The following ASTN2 variants were observed in gnomAD, a reference collection of about 807,000 sequenced individuals.
ASTN2 encodes astrotactin-2.
Under a neutral mutation model 139.8 loss-of-function variants are expected in ASTN2, and 54 were observed. The ratio of observed to expected loss-of-function variants is 0.39; its 90% confidence interval spans 0.31 to 0.48. The LOEUF (loss-of-function observed/expected upper bound fraction) is 0.48, where lower values mean the gene tolerates loss of function less well. Ranked by LOEUF, ASTN2 falls within the 20% of genes least tolerant of loss-of-function variation. The probability of loss-of-function intolerance (pLI) is 0.95; values close to 1 mark genes in which losing one functional copy is unlikely to be tolerated. For synonymous variants in ASTN2, 756 were observed against 719.5 expected, an observed-to-expected ratio of 1.05 and a Z score of -0.81; for missense variants, 1,565 against 1,725.1, an observed-to-expected ratio of 0.91 and a Z score of 1.64.
chr9:116,458,114 G>A (rs917163371), intron 20 of ASTN2, among the ~76,000 whole-genome samples: 1 of 151,640 alleles, frequency 6.6e-6, no homozygotes, highest in African/African-American at 2.4e-5. Context: ...GACAAACTTT[G>A]CATGTTCTCA....
At chr9:117,068,380 C>G (rs1828012875) in intron 5 of ASTN2, among the ~76,000 whole-genome samples, 1 of 59,714 alleles carries the variant, frequency 1.7e-5, no homozygotes, top group Non-Finnish European at 3.4e-5. Flanking sequence ...GGTGGATAAG[C>G]TTTTTGATGT....
chr9:116,586,647 G>T (rs1854154323), intron 19 of ASTN2, among the ~76,000 whole-genome samples: 1 of 152,086 alleles, frequency 6.6e-6, no homozygotes, highest in African/African-American at 2.4e-5. Context: ...TAGGAAGGGG[G>T]AGGGAGGGAG....
chr9:116,857,542 A>G (rs551799983), intron 11 of ASTN2, among the ~76,000 whole-genome samples: 117 of 152,318 alleles, frequency 7.7e-4, no homozygotes, highest in African/African-American at 2.5e-3. Flanking sequence ...TATACTATAT[A>G]GTGACAAAGC....
At chr9:117,163,473 G>A (rs141279654) in intron 3 of ASTN2, among the ~76,000 whole-genome samples, 70 of 152,172 alleles carry the variant, frequency 4.6e-4, no homozygotes, top group African/African-American at 1.5e-3. Context: ...TGCATCACAT[G>A]GGCCATTCCT....
At chr9:116,975,886 C>A (rs1012719016) in intron 9 of ASTN2, among the ~76,000 whole-genome samples, 1 of 152,174 alleles carries the variant, frequency 6.6e-6, no homozygotes, top group African/African-American at 2.4e-5. Context: ...GTAATGTCTC[C>A]TCCAGTTCAA....
intron 19 of ASTN2, among the ~76,000 whole-genome samples, chr9:116,487,895 T>C (rs1310418265): frequency 6.6e-6 from 1 of 152,144 alleles, no homozygotes; most frequent in Non-Finnish European, 1.5e-5. Context: ...TCTCTTAGAA[T>C]TGCATTTTCC....
intron 2 of ASTN2, among the ~76,000 whole-genome samples, chr9:117,253,693 C>T (rs750602429): frequency 9.2e-5 from 14 of 152,106 alleles, no homozygotes; most frequent in Admixed American, 2.0e-4. Context: ...CAGCAGTTGC[C>T]GGCAGTCGCT....
chr9:117,169,588 A>T (rs1377373861), intron 3 of ASTN2, among the ~76,000 whole-genome samples: 1 of 152,172 alleles, frequency 6.6e-6, no homozygotes, highest in Non-Finnish European at 1.5e-5. Context: ...TGACAGGATG[A>T]TGCGGCAGAA....
intron 13 of ASTN2, among the ~76,000 whole-genome samples, chr9:116,788,892 C>G (rs1830452993): frequency 6.6e-6 from 1 of 152,136 alleles, no homozygotes; most frequent in Non-Finnish European, 1.5e-5. Flanking sequence ...TTTTGTTCAG[C>G]CTGAATCCCC....
At chr9:116,805,895 C>G in intron 12 of ASTN2, 75 bp from the exon 13 acceptor site, 1 of 1,438,546 alleles carries the variant, frequency 7.0e-7, no homozygotes, top group Non-Finnish European at 9.5e-7. Flanking sequence ...AAAACCAAGG[C>G]CTCCTTTCCC....
At chr9:116,972,009 T>G (rs1340596468) in intron 10 of ASTN2, among the ~76,000 whole-genome samples, 1 of 152,102 alleles carries the variant, frequency 6.6e-6, no homozygotes, top group African/African-American at 2.4e-5. Flanking sequence ...ATAGAATACA[T>G]AGAGAAAAGT....
chr9:116,648,906 C>T lies in ASTN2; in HGVS notation c.3072+2622G>A, dbSNP rs10119611. On this transcript the variant is annotated intron_variant, in intron 17 of 22. Transcript: ENST00000313400. ...AAAATTAGCCAGGCATGGTGGTGGA[C>T]GCCTGTAATCCCAGCTACTCAGGAG... 8.3e-3 allele frequency among the ~76,000 whole-genome samples: 1,264 copies of T among 151,758 alleles called. 17 individuals are homozygous for T. Among genetic ancestry groups the T allele is most frequent in the African/African-American group, 0.028 (1,142 of 41,388 alleles).
At chr9:116,719,442 A>ACTTTATTTTCCCACACAATGTACCTTT in intron 16 of ASTN2, among the ~76,000 whole-genome samples, 1 of 152,218 alleles carries the variant, frequency 6.6e-6, no homozygotes, top group Non-Finnish European at 1.5e-5. Context: ...AAGCAATTTG[A>ACTTTATTTTCCCACACAATGTACCTTT]AGTCAGTGCT....
chr9:117,166,341 C>T (rs2132913828), intron 3 of ASTN2, among the ~76,000 whole-genome samples: 1 of 152,200 alleles, frequency 6.6e-6, no homozygotes, highest in Middle Eastern at 3.4e-3. Flanking sequence ...CTCATCCTTT[C>T]TAACTCATCC....
chr9:117,257,844 A>T (rs1424138929), intron 2 of ASTN2, among the ~76,000 whole-genome samples: 1 of 152,214 alleles, frequency 6.6e-6, no homozygotes, highest in East Asian at 1.9e-4. Context: ...GATTTGTTGT[A>T]GTCATTGCTC....
intron 19 of ASTN2, among the ~76,000 whole-genome samples, chr9:116,591,076 G>A (rs1479443910): frequency 6.6e-6 from 1 of 152,204 alleles, no homozygotes; most frequent in Non-Finnish European, 1.5e-5. Flanking sequence ...GGCTGAAAAA[G>A]CTCTAACACA....
intron 2 of ASTN2, among the ~76,000 whole-genome samples, chr9:117,286,370 T>TTTTG: frequency 6.6e-6 from 1 of 150,722 alleles, no homozygotes; most frequent in Non-Finnish European, 1.5e-5. Flanking sequence ...TTTTTTTTTT[T>TTTTG]GAGCAGAGTC....
chr9:117,019,390 G>T (rs1412068806), intron 6 of ASTN2, among the ~76,000 whole-genome samples: 2 of 151,946 alleles, frequency 1.3e-5, no homozygotes, highest in Non-Finnish European at 2.9e-5. Flanking sequence ...AAAAATCAGC[G>T]GTTTCAACAG....
chr9:116,739,589 TC>T (rs1564242102), intron 13 of ASTN2, among the ~76,000 whole-genome samples: 2 of 152,230 alleles, frequency 1.3e-5, no homozygotes, highest in Non-Finnish European at 2.9e-5. Context: ...AATCAGTTCT[TC>T]CATTACACAC....
Sources: allele counts gnomAD v4.1 joint callset (sites outside exome capture counted in the v4.1 genomes callset), GRCh38; gene constraint gnomAD v4.1.1; transcripts MANE v1.5; gene names NCBI Gene and HGNC (gene_info 2026-07-23, HGNC 2026-07-21).